The following FAM171A1 variants were observed in gnomAD, a reference collection of about 807,000 sequenced individuals.
FAM171A1 encodes protein FAM171A1.
Under a neutral mutation model 74.9 loss-of-function variants are expected in FAM171A1, and 23 were observed. That is an observed-to-expected ratio of 0.31 (90% CI 0.22 to 0.44). FAM171A1 has a LOEUF of 0.44. FAM171A1 is among the 20% of genes least tolerant of loss of function. The pLI is 1.00. For synonymous variants in FAM171A1, 527 were observed against 505.7 expected, an observed-to-expected ratio of 1.04 and a Z score of -0.57; for missense variants, 1,162 against 1,159.2, an observed-to-expected ratio of 1.00 and a Z score of -0.03.
chr10:15,348,733 T>TC (rs761265499), intron 1 of FAM171A1, among the ~76,000 whole-genome samples: 76 of 152,166 alleles, frequency 5.0e-4, no homozygotes, highest in Non-Finnish European at 1.0e-3. Flanking sequence ...TTTAACAAGA[T>TC]CCCCAGCTGA....
At chr10:15,303,091 A>G (rs2131829474) in intron 1 of FAM171A1, among the ~76,000 whole-genome samples, 1 of 152,240 alleles carries the variant, frequency 6.6e-6, no homozygotes, top group South Asian at 2.1e-4. Context: ...TCGGAGGCTG[A>G]GGCAAGAGAA....
At chr10:15,345,673 A>T (rs1233236111) in intron 1 of FAM171A1, among the ~76,000 whole-genome samples, 1 of 152,100 alleles carries the variant, frequency 6.6e-6, no homozygotes, top group Non-Finnish European at 1.5e-5. Context: ...GGTGCAAAGG[A>T]GATGCTCTAG....
chr10:15,299,902 C>T (rs556787471), intron 1 of FAM171A1, among the ~76,000 whole-genome samples: 4 of 151,940 alleles, frequency 2.6e-5, no homozygotes, highest in Admixed American at 6.6e-5. Flanking sequence ...GGTGTGAACC[C>T]GGGAGGCAGA....
intron 5 of FAM171A1, chr10:15,240,662 A>C (rs1342335576): frequency 1.0e-6 from 1 of 964,546 alleles, no homozygotes; most frequent in Admixed American, 6.2e-5. Context: ...CTCTCCTAAG[A>C]GTAAACTTTC....
chr10:15,256,181 G>A (rs1234596321), intron 3 of FAM171A1, among the ~76,000 whole-genome samples: 1 of 152,160 alleles, frequency 6.6e-6, no homozygotes, highest in Non-Finnish European at 1.5e-5. Context: ...CACGGAGCTG[G>A]TGGGCTTTAT....
At chr10:15,336,986 T>C (rs1169598434) in intron 1 of FAM171A1, among the ~76,000 whole-genome samples, 3 of 152,114 alleles carry the variant, frequency 2.0e-5, no homozygotes, top group African/African-American at 7.2e-5. Context: ...CCTCGATCTC[T>C]TGGGCTCAAG....
rs183778933 is a variant in FAM171A1, at chr10:15,243,648, G to C, written c.754+4991C>G. Among the ~76,000 whole-genome samples the C allele has an allele frequency of 1.8e-3, 279 of 151,888 alleles. 1 individual carries two copies. Among genetic ancestry groups the C allele is most frequent in the Non-Finnish European group, 1.7e-3 (116 of 67,928 alleles). ...AAAAAAGAGAAGGCAAAAATGAGAA[G>C]CAAAAAATAAACAGCAGGGATGGAG... On this transcript the variant is annotated intron_variant, in intron 5 of 7. Coordinates refer to ENST00000378116, the MANE Select transcript of FAM171A1 (RefSeq NM_001010924.2).
chr10:15,293,432 AAAG>A (rs1395528716), intron 1 of FAM171A1, among the ~76,000 whole-genome samples: 8 of 152,332 alleles, frequency 5.3e-5, no homozygotes, highest in African/African-American at 1.4e-4. Context: ...GGAGATTAAA[AAAG>A]AAGGAGAAAA....
chr10:15,240,815 G>C, intron 5 of FAM171A1: 1 of 841,444 alleles, frequency 1.2e-6, no homozygotes, highest in Non-Finnish European at 1.4e-6. Context: ...TGAGTTGGGA[G>C]GATCACTTGA....
chr10:15,229,184 C>T (rs139842742), intron 5 of FAM171A1, among the ~76,000 whole-genome samples: 3 of 152,232 alleles, frequency 2.0e-5, no homozygotes, highest in Non-Finnish European at 4.4e-5. Flanking sequence ...GATTTGGGAA[C>T]ATTTAGGGTG....
At chr10:15,302,814 T>C (rs1835248189) in intron 1 of FAM171A1, among the ~76,000 whole-genome samples, 1 of 152,250 alleles carries the variant, frequency 6.6e-6, no homozygotes, top group South Asian at 2.1e-4. Flanking sequence ...TTCTGCTTTC[T>C]ACATTTGACT....
At chr10:15,217,019 A>T (rs1473332986) in intron 6 of FAM171A1, among the ~76,000 whole-genome samples, 1 of 152,194 alleles carries the variant, frequency 6.6e-6, no homozygotes, top group Non-Finnish European at 1.5e-5. Context: ...AATGATATCC[A>T]TCTTTAAAAA....
intron 1 of FAM171A1, among the ~76,000 whole-genome samples, chr10:15,292,963 A>T (rs7906078): frequency 0.18 from 27,355 of 152,018 alleles, 2,521 homozygotes; most frequent in African/African-American, 0.2. Context: ...TCTGTCTAAA[A>T]CGTCGATCCC....
At chr10:15,278,140 A>G (rs955463378) in intron 2 of FAM171A1, among the ~76,000 whole-genome samples, 1 of 152,056 alleles carries the variant, frequency 6.6e-6, no homozygotes, top group African/African-American at 2.4e-5. Context: ...CACACAGTCA[A>G]TTTATTTAGC....
intron 3 of FAM171A1, among the ~76,000 whole-genome samples, chr10:15,268,010 G>A (rs1401551600): frequency 1.3e-5 from 2 of 152,174 alleles, no homozygotes; most frequent in Non-Finnish European, 2.9e-5. Context: ...ACAAGAGGCC[G>A]ACAGTGAGCA....
chr10:15,218,238 C>G (rs564494333), intron 6 of FAM171A1, among the ~76,000 whole-genome samples: 1 of 151,988 alleles, frequency 6.6e-6, no homozygotes, highest in South Asian at 2.1e-4. Flanking sequence ...TGCTACTGTG[C>G]CTGGCAAATT....
At chr10:15,299,071 C>G (rs573251919) in intron 1 of FAM171A1, among the ~76,000 whole-genome samples, 19 of 152,222 alleles carry the variant, frequency 1.2e-4, no homozygotes, top group Non-Finnish European at 2.4e-4. Flanking sequence ...CAGGCACGCA[C>G]CACCACGCCC....
Position 15,213,235 on chromosome 10 carries a change from A to C in FAM171A1, c.2353T>G (p.Tyr785Asp). 1 of 1,614,090 alleles carries C rather than the reference A, an allele frequency of 6.2e-7. No homozygotes were observed. Among genetic ancestry groups the C allele is most frequent in the Non-Finnish European group, 8.5e-7 (1 of 1,180,028 alleles). The change falls in exon 8 of 8, where the codon TAC becomes GAC. Residue 785 changes from tyrosine (Y) to aspartate (D), a missense_variant. By Grantham distance (160) the Tyr-to-Asp change is radical. Transcript: ENST00000378116. This position sits in a 1 kb window ranked among gnomAD's most constrained non-coding sequence, Gnocchi z 6.8. The part of the protein sequence containing the change: ...KEPRAPDSTA[Y>D]TQLVYLDDVE... ...TCATCCAGGTACACGAGCTGCGTGT[A>C]GGCCGTGCTGTCTGGGGCTCGAGGC...
chr10:15,366,501 T>C (rs911497544), intron 1 of FAM171A1, among the ~76,000 whole-genome samples: 2 of 152,208 alleles, frequency 1.3e-5, no homozygotes, highest in African/African-American at 2.4e-5. Context: ...AAAACTGCCG[T>C]CTTTATGAGT....
Sources: gnomAD v4.1 joint callset for allele counts (sites outside exome capture counted in the v4.1 genomes callset) on GRCh38, gnomAD v4.1.1 for gene constraint, Gnocchi (gnomAD v3.1) non-coding constraint, MANE v1.5 for transcripts, NCBI Gene and HGNC (gene_info 2026-07-23, HGNC 2026-07-21) for gene names.